The following PASK variants were observed in gnomAD, a reference collection of about 807,000 sequenced individuals.
The protein encoded by PASK is PAS domain-containing serine/threonine-protein kinase.
A neutral mutation model predicts 121.0 loss-of-function variants in PASK; 110 were observed. The ratio of observed to expected loss-of-function variants is 0.91; its 90% CI spans 0.78 to 1.06. PASK has a LOEUF of 1.06. Ranked by LOEUF, PASK falls within the 50% of genes least tolerant of loss-of-function variation. PASK has a pLI of 0.00. For synonymous variants in PASK, 686 were observed against 717.8 expected, an observed-to-expected ratio of 0.96 and a Z score of 0.71; for missense variants, 1,643 against 1,702.3, an observed-to-expected ratio of 0.97 and a Z score of 0.61.
intron 12 of PASK, among the ~76,000 whole-genome samples, chr2:241,119,563 G>C (rs1341693829): frequency 1.3e-5 from 2 of 149,644 alleles, no homozygotes; most frequent in African/African-American, 5.0e-5. Context: ...TCCGCCTCCC[G>C]GGTTCATGCC....
In PASK at chr2:241,142,952, C is replaced by T; in HGVS notation, c.81G>A (p.Glu27=). 2 of 1,613,940 alleles carry T rather than the reference C, an allele frequency of 1.2e-6. No individual in the cohort carries two copies. Among genetic ancestry groups the T allele is most frequent in the Non-Finnish European group, 8.5e-7 (1 of 1,179,844 alleles). The stretch of plus-strand genomic sequence containing the variant: ...CAGCAGTGGTCTGTGCAGCTGGGCC[C>T]TCTGCTGACACTGGCAAGGGGAGGC... ...SQSLPLPVSA[E]GPAAQTTAEP... is the part of the protein sequence containing the mutation. Residue 27 remains glutamate, a synonymous_variant, in exon 2 of 18, where the codon GAG becomes GAA. Coordinates refer to ENST00000234040, the MANE Select transcript of PASK (RefSeq NM_015148.4).
chr2:241,114,623 C>A, intron 14 of PASK: 2 of 1,086,338 alleles, frequency 1.8e-6, no homozygotes, highest in Non-Finnish European at 2.2e-6. Context: ...ATGTCAGGAT[C>A]TCAGTTTTGC....
At chr2:241,140,129 A>G in intron 3 of PASK, 74 bp from the exon 4 acceptor site, 21 of 1,211,858 alleles carry the variant, frequency 1.7e-5, no homozygotes, top group Non-Finnish European at 2.5e-5. Flanking sequence ...ACAGCCCAGG[A>G]CGACCATGCA....
intron 2 of PASK, among the ~76,000 whole-genome samples, chr2:241,141,331 C>T (rs1364156530): frequency 6.6e-6 from 1 of 152,194 alleles, no homozygotes; most frequent in African/African-American, 2.4e-5. Context: ...TTCCTTCCCA[C>T]CTTCTGTCCT....
chr2:241,118,956 T>C (rs778678661), intron 12 of PASK: 105 of 1,021,098 alleles, frequency 1.0e-4, no homozygotes, highest in Non-Finnish European at 1.2e-4. Context: ...TGCCCGTGGC[T>C]GGCAAGGGCA....
At chr2:241,120,474 C>A (rs2065557252) in intron 12 of PASK, among the ~76,000 whole-genome samples, 1 of 137,374 alleles carries the variant, frequency 7.3e-6, no homozygotes, top group African/African-American at 2.5e-5. Flanking sequence ...GCCTGGGCGA[C>A]AAAGCAAGAC....
chr2:241,141,917 T>C (rs546408145), intron 2 of PASK, among the ~76,000 whole-genome samples: 111 of 152,208 alleles, frequency 7.3e-4, no homozygotes, highest in African/African-American at 2.6e-3. Flanking sequence ...CTCCTTCTCA[T>C]GTCTCAAGGC....
chr2:241,122,832 C>G lies in PASK; in HGVS notation c.2972G>C (p.Cys991Ser), dbSNP rs376197185. ...GTACTTTTGGGAGTACTCGCCCTCA[C>G]AGGCCGCCAACCCCTCCAGTTCCAC... The part of the protein sequence containing the change: ...KAVELEGLAA[C>S]EGEYSQKYST... Residue 991 changes from cysteine (C) to serine (S), a missense_variant, in exon 12 of 18, where the codon TGT becomes TCT. Cys to Ser is a moderately radical substitution (Grantham distance 112). Around this residue, in one of 3 missense-constraint regions of PASK, gnomAD observed 453 missense variants for 511.2 expected, o/e 0.89. Transcript: ENST00000234040. The G allele has an allele frequency of 6.8e-6, 11 of 1,614,122 alleles. No individual in the cohort carries two copies. Among genetic ancestry groups the G allele is most frequent in the African/African-American group, 1.3e-5 (1 of 74,950 alleles).
At chr2:241,124,475 G>A (rs2065762858) in intron 10 of PASK, among the ~76,000 whole-genome samples, 1 of 152,216 alleles carries the variant, frequency 6.6e-6, no homozygotes, top group African/African-American at 2.4e-5. Context: ...ACTCAGAATA[G>A]CCGGGAGAAC....
At chr2:241,139,724 CG>C (rs760421058) in intron 4 of PASK, 160 bp downstream of exon 4, 9 of 739,714 alleles carry the variant, frequency 1.2e-5, no homozygotes, top group Non-Finnish European at 2.0e-5. Context: ...GCAGCTGAAG[CG>C]GGGAAACGGC....
chr2:241,123,858 G>A (rs540603081), intron 11 of PASK, 91 bp downstream of exon 11: 54 of 1,044,400 alleles, frequency 5.2e-5, no homozygotes, highest in African/African-American at 2.9e-4. Context: ...CTGTATTCCC[G>A]TCCCCAAGGA....
chr2:241,126,146 C>A, intron 10 of PASK, 50 bp downstream of exon 10: 1 of 1,544,710 alleles, frequency 6.5e-7, no homozygotes. Flanking sequence ...ACCCCCACTG[C>A]ACTGTGCTCT....
At chr2:241,140,809 T>G (rs2125452858) in intron 2 of PASK, 56 bp from the exon 3 acceptor site, 1 of 1,190,762 alleles carries the variant, frequency 8.4e-7, no homozygotes, top group South Asian at 1.3e-5. Flanking sequence ...AGAGTCCACC[T>G]TCTGAAACAG....
chr2:241,150,289 C>G, upstream of PASK: 3 of 1,317,398 alleles, frequency 2.3e-6, no homozygotes, highest in Non-Finnish European at 2.9e-6. Flanking sequence ...CCGGCTCCGC[C>G]GCCTGAAATT....
intron 1 of PASK, among the ~76,000 whole-genome samples, chr2:241,144,372 C>T (rs527658703): frequency 3.9e-5 from 6 of 152,306 alleles, no homozygotes; most frequent in African/African-American, 1.4e-4. Context: ...AGGAAGCCCC[C>T]ACCTGGTCAT....
In PASK at chr2:241,143,164, G is replaced by A. The variant is rs180859150; in HGVS notation, c.-42-90C>T. ...TAATTTATAATGCTGAGTTCAGCTC[G>A]GCCCCAAAAGACATACACCACCAAC... On this transcript the variant is annotated intron_variant, in intron 1 of 17. Transcript: ENST00000234040. 2.6e-3 allele frequency: 1,962 copies of A among 749,436 alleles called. 2 individuals carry two copies. Among genetic ancestry groups the A allele is most frequent in the Non-Finnish European group, 3.8e-3 (1,651 of 432,038 alleles). 46.4% of individuals were successfully genotyped at this position (749,436 alleles called of 1,614,324 possible).
At chr2:241,124,374 C>T (rs574038372) in intron 10 of PASK, among the ~76,000 whole-genome samples, 1 of 152,316 alleles carries the variant, frequency 6.6e-6, no homozygotes, top group Admixed American at 6.5e-5. Flanking sequence ...AGCCTGCAGG[C>T]CTGCAACAAC....
upstream of PASK, chr2:241,150,226 T>C: frequency 7.8e-7 from 1 of 1,280,852 alleles, no homozygotes; most frequent in Non-Finnish European, 9.9e-7. Flanking sequence ...GCTCTGTGCG[T>C]CCCGCTTCGA....
intron 14 of PASK, 82 bp downstream of exon 14, chr2:241,114,961 T>A: frequency 6.2e-7 from 1 of 1,610,804 alleles, no homozygotes; most frequent in Non-Finnish European, 8.5e-7. Context: ...GAGAACCGAG[T>A]ATGGATCACT....
Sources: gnomAD v4.1 joint callset for allele counts (sites outside exome capture counted in the v4.1 genomes callset) on GRCh38, gnomAD v4.1.1 for gene constraint, gnomAD v4.1.1 regional missense constraint, MANE v1.5 for transcripts, NCBI Gene and HGNC (gene_info 2026-07-23, HGNC 2026-07-21) for gene names.